Variants in NELL2 observed in about 807,000 individuals in gnomAD.
NELL2 encodes neural EGFL like 2, also known as protein kinase C-binding protein NELL2.
NELL2 carries 41 observed loss-of-function variants against 109.6 expected under a neutral mutation model. The ratio of observed to expected loss-of-function variants is 0.37; its 90% CI spans 0.29 to 0.49. The LOEUF is 0.49. NELL2 is among the 20% of genes least tolerant of loss of function. NELL2 has a pLI of 0.98. For synonymous variants in NELL2, 355 were observed against 344.7 expected, an observed-to-expected ratio of 1.03 and a Z score of -0.33; for missense variants, 900 against 1,008.3, an observed-to-expected ratio of 0.89 and a Z score of 1.45.
intron 2 of NELL2, among the ~76,000 whole-genome samples, chr12:44,827,878 G>T (rs1417624034): frequency 6.6e-6 from 1 of 152,126 alleles, no homozygotes; most frequent in Non-Finnish European, 1.5e-5. Context: ...GTTTTCTGAG[G>T]AACCTCCAAA....
In NELL2 at chr12:44,779,874, A is replaced by G; in HGVS notation, c.484T>C (p.Leu162=). 6.2e-7 allele frequency: 1 copy of G among 1,613,906 alleles called. No individual in the cohort carries two copies. The highest frequency in any genetic ancestry group is 8.5e-7 in the Non-Finnish European group (1 of 1,179,808). The stretch of plus-strand genomic sequence containing the variant: ...TTATTGCAGTCAATGTGTAAAATCA[A>G]ATGGGAAGCACTGATGGCTAAGGAG... ...KLSLAISASH[L]ILHIDCNKIY... The change falls in exon 4 of 20, where the codon TTG becomes CTG. Residue 162 remains leucine (L), a synonymous_variant. Coordinates refer to ENST00000429094, the MANE Select transcript of NELL2 (RefSeq NM_001145108.2).
intron 2 of NELL2, among the ~76,000 whole-genome samples, chr12:44,826,116 C>T (rs1943703507): frequency 6.6e-6 from 1 of 152,020 alleles, no homozygotes; most frequent in African/African-American, 2.4e-5. Flanking sequence ...TGTCCATCTT[C>T]CAATAACAAA....
intron 2 of NELL2, among the ~76,000 whole-genome samples, chr12:44,855,689 A>G (rs1944663012): frequency 6.6e-6 from 1 of 152,216 alleles, no homozygotes; most frequent in Non-Finnish European, 1.5e-5. Context: ...TCATATGAAT[A>G]TGAGTGTCTC....
intron 1 of NELL2, among the ~76,000 whole-genome samples, chr12:44,896,221 T>A (rs1044403692): frequency 1.3e-5 from 2 of 152,052 alleles, no homozygotes; most frequent in Admixed American, 1.3e-4. Flanking sequence ...ACTAAGCAAT[T>A]TTTGGTGGTT....
At chr12:44,883,172 C>A (rs968978376) in intron 1 of NELL2, among the ~76,000 whole-genome samples, 1 of 151,800 alleles carries the variant, frequency 6.6e-6, no homozygotes, top group African/African-American at 2.4e-5. Context: ...TTTTATAAAT[C>A]CAAAGGCCAT....
intron 9 of NELL2, among the ~76,000 whole-genome samples, chr12:44,732,093 A>G (rs2136475217): frequency 6.6e-6 from 1 of 152,170 alleles, no homozygotes; most frequent in South Asian, 2.1e-4. Context: ...AAAAATGAAA[A>G]TACAGCTTGT....
intron 15 of NELL2, among the ~76,000 whole-genome samples, chr12:44,574,867 C>A (rs190085252): frequency 2.0e-5 from 3 of 152,146 alleles, no homozygotes; most frequent in Non-Finnish European, 2.9e-5. Context: ...AAAATCACAA[C>A]CTCAAATGCA....
intron 13 of NELL2, among the ~76,000 whole-genome samples, chr12:44,621,317 A>G (rs1946050401): frequency 6.6e-6 from 1 of 152,128 alleles, no homozygotes; most frequent in Non-Finnish European, 1.5e-5. Flanking sequence ...ATTTTGTTAT[A>G]ACATTTGAAA....
At chr12:44,671,057 CA>C (rs1414342150) in intron 12 of NELL2, among the ~76,000 whole-genome samples, 3 of 152,064 alleles carry the variant, frequency 2.0e-5, no homozygotes, top group Non-Finnish European at 2.9e-5. Flanking sequence ...AACAGGTCTC[CA>C]AAAGTTTTAA....
At chr12:44,877,357 TA>T (rs1393806642), upstream of NELL2, among the ~76,000 whole-genome samples, 1 of 152,204 alleles carries the variant, frequency 6.6e-6, no homozygotes, top group Non-Finnish European at 1.5e-5. Context: ...CAATGGTACA[TA>T]ATATTTTTTG....
At chr12:44,530,770 C>A (rs999458151) in intron 16 of NELL2, among the ~76,000 whole-genome samples, 2 of 152,082 alleles carry the variant, frequency 1.3e-5, no homozygotes, top group African/African-American at 4.8e-5. Flanking sequence ...GATTCCCACT[C>A]CCCCCATTAC....
At chr12:44,649,784 T>C (rs1266793555) in intron 13 of NELL2, among the ~76,000 whole-genome samples, 1 of 152,176 alleles carries the variant, frequency 6.6e-6, no homozygotes, top group Non-Finnish European at 1.5e-5. Flanking sequence ...ATTTTCCCCA[T>C]TTGCTAACAG....
intron 12 of NELL2, among the ~76,000 whole-genome samples, chr12:44,680,794 T>C (rs1209561007): frequency 6.6e-6 from 1 of 152,186 alleles, no homozygotes; most frequent in Admixed American, 6.5e-5. Flanking sequence ...TGTACTTACC[T>C]GCTTCCCCCA....
intron 9 of NELL2, among the ~76,000 whole-genome samples, chr12:44,746,393 T>G (rs866793830): frequency 0.074 from 11,268 of 151,784 alleles, 1,352 homozygotes; most frequent in African/African-American, 0.25. Flanking sequence ...CATGGGCAAG[T>G]ACTTCATGTC....
intron 15 of NELL2, among the ~76,000 whole-genome samples, chr12:44,587,284 A>AAAAAAAATATATATATATATATAT: frequency 8.3e-5 from 6 of 72,204 alleles, no homozygotes; most frequent in Admixed American, 3.3e-4. Context: ...AAAAAAAAAA[A>AAAAAAAATATATATATATATATAT]ATATATATAT....
At chr12:44,630,135 T>C (rs1044926973) in intron 13 of NELL2, among the ~76,000 whole-genome samples, 1 of 152,206 alleles carries the variant, frequency 6.6e-6, no homozygotes, top group African/African-American at 2.4e-5. Context: ...GAAGACTTGA[T>C]ATGAACAGAA....
intron 13 of NELL2, among the ~76,000 whole-genome samples, chr12:44,623,485 AT>A (rs1272725409): frequency 6.6e-6 from 1 of 152,048 alleles, no homozygotes; most frequent in Non-Finnish European, 1.5e-5. Context: ...TTTATATCAT[AT>A]TTTTTTAAAG....
chr12:44,639,862 C>T (rs556479175), intron 13 of NELL2, among the ~76,000 whole-genome samples: 1 of 152,200 alleles, frequency 6.6e-6, no homozygotes, highest in Non-Finnish European at 1.5e-5. Context: ...TGGTTTCAGA[C>T]TCTGCATGAT....
chr12:44,754,031 A>G (rs1343019376), intron 9 of NELL2, among the ~76,000 whole-genome samples: 2 of 152,236 alleles, frequency 1.3e-5, no homozygotes, highest in Non-Finnish European at 2.9e-5. Context: ...ATAAGCAAAG[A>G]TACATCCCAA....
Sources: allele counts gnomAD v4.1 joint callset (sites outside exome capture counted in the v4.1 genomes callset), GRCh38; gene constraint gnomAD v4.1.1; transcripts MANE v1.5; gene names NCBI Gene and HGNC (gene_info 2026-07-23, HGNC 2026-07-21).